Variants in TTC21B observed in about 807,000 individuals in gnomAD.
TTC21B encodes tetratricopeptide repeat protein 21B.
Under a neutral mutation model 175.1 loss-of-function variants are expected in TTC21B, and 127 were observed. The ratio of observed to expected loss-of-function variants is 0.73; its 90% CI spans 0.63 to 0.84. The LOEUF (loss-of-function observed/expected upper bound fraction) is 0.84. Ranked by LOEUF, TTC21B falls within the 40% of genes least tolerant of loss-of-function variation. The pLI is 0.00. For synonymous variants in TTC21B, 524 were observed against 524.5 expected, an observed-to-expected ratio of 1.00 and a Z score of 0.01; for missense variants, 1,561 against 1,558.3, an observed-to-expected ratio of 1.00 and a Z score of -0.03.
chr2:165,909,805 T>C (rs1685867872), intron 18 of TTC21B, among the ~76,000 whole-genome samples: 1 of 152,086 alleles, frequency 6.6e-6, no homozygotes, highest in Non-Finnish European at 1.5e-5. Flanking sequence ...TAAGATACAG[T>C]GGAATACTCT....
intron 25 of TTC21B, among the ~76,000 whole-genome samples, chr2:165,884,811 C>T (rs1300983030): frequency 1.3e-5 from 2 of 152,104 alleles, no homozygotes; most frequent in Non-Finnish European, 2.9e-5. Context: ...TGTGTATGTT[C>T]CTGATTAAGG....
Position 165,890,551 on chromosome 2 carries a change from A to G in TTC21B, c.3191T>C (p.Ile1064Thr), listed in dbSNP as rs1188831998. 1 of 1,613,712 alleles carries G rather than the reference A, an allele frequency of 6.2e-7. No homozygotes were observed. The highest frequency in any genetic ancestry group is 1.7e-5 in the Admixed American group (1 of 60,000). ...DWGQNALYNM[I>T]EICLNPDNET... ...ATTATCTGGATTCAAACAGATCTCT[A>G]TCATATTATAAAGGGCATTTTGGCC... is the stretch of plus-strand genomic sequence containing the variant. The change falls in exon 24 of 29, where the codon ATA becomes ACA. Residue 1064 changes from isoleucine to threonine, a missense_variant. Ile to Thr is a moderately conservative substitution (Grantham distance 89). Transcript: ENST00000243344.
chr2:165,950,540 G>C (rs978533981), intron 1 of TTC21B, among the ~76,000 whole-genome samples: 1 of 152,182 alleles, frequency 6.6e-6, no homozygotes, highest in East Asian at 1.9e-4. Flanking sequence ...GGACTCTACA[G>C]CTTGTTCAGT....
At chr2:165,902,029 A>C in intron 19 of TTC21B, 119 bp from the exon 20 acceptor site, 1 of 878,678 alleles carries the variant, frequency 1.1e-6, no homozygotes, top group African/African-American at 1.7e-5. Context: ...GATCTAACAA[A>C]GTCTGATCCA....
intron 19 of TTC21B, among the ~76,000 whole-genome samples, chr2:165,906,613 A>G (rs1559050945): frequency 1.3e-5 from 2 of 152,150 alleles, no homozygotes; most frequent in Non-Finnish European, 2.9e-5. Flanking sequence ...TCCTTCAAAG[A>G]GGTCTCAAGG....
intron 12 of TTC21B, among the ~76,000 whole-genome samples, chr2:165,923,360 C>G (rs1686492131): frequency 6.6e-6 from 1 of 151,948 alleles, no homozygotes; most frequent in South Asian, 2.1e-4. Flanking sequence ...TTGGTTTCTG[C>G]TCTTAACAGT....
chr2:165,913,214 C>A (rs920748499), intron 16 of TTC21B, among the ~76,000 whole-genome samples: 1 of 151,894 alleles, frequency 6.6e-6, no homozygotes, highest in East Asian at 1.9e-4. Context: ...TTTGTAGAGA[C>A]GGGGTTTCAC....
rs150678598 is a variant in TTC21B at position 165,910,562 on chromosome 2, T to C, written c.2461+765A>G. Among the ~76,000 whole-genome samples, 1,344 of 152,226 alleles carry C rather than the reference T, an allele frequency of 8.8e-3. 21 individuals are homozygous for C. Among genetic ancestry groups the C allele is most frequent in the African/African-American group, 0.031 (1,273 of 41,522 alleles). On this transcript the variant is annotated intron_variant, in intron 18 of 28. Transcript: ENST00000243344. Reference sequence around the variant, plus strand: ...CTAAGGAATGATACAGTGATATTCATTGGAACATGGATTATAATATCAAAA... The same window carrying C: ...CTAAGGAATGATACAGTGATATTCACTGGAACATGGATTATAATATCAAAA...
At chr2:165,892,644 G>C (rs1423012575) in intron 22 of TTC21B, among the ~76,000 whole-genome samples, 1 of 152,006 alleles carries the variant, frequency 6.6e-6, no homozygotes, top group Non-Finnish European at 1.5e-5. Flanking sequence ...GTGTGATACA[G>C]CTTACAGAGG....
intron 3 of TTC21B, chr2:165,947,179 T>TATATATATATATATATAATA (rs1687604367): frequency 9.0e-6 from 1 of 111,294 alleles, no homozygotes; most frequent in African/African-American, 3.4e-5. Context: ...CATATATATA[T>TATATATATATATATATAATA]ATATATATAT....
intron 15 of TTC21B, among the ~76,000 whole-genome samples, chr2:165,914,343 C>T (rs969292424): frequency 6.6e-6 from 1 of 152,060 alleles, no homozygotes; most frequent in Non-Finnish European, 1.5e-5. Flanking sequence ...AAAAATAAAT[C>T]AACCCTATTT....
intron 3 of TTC21B, among the ~76,000 whole-genome samples, chr2:165,946,611 G>A (rs1221307507): frequency 6.6e-6 from 1 of 152,164 alleles, no homozygotes; most frequent in Non-Finnish European, 1.5e-5. Context: ...GCCGAGGTGG[G>A]TGGATCACCT....
intron 18 of TTC21B, among the ~76,000 whole-genome samples, chr2:165,907,985 GAA>G (rs1312332612): frequency 2.0e-5 from 3 of 151,790 alleles, no homozygotes; most frequent in African/African-American, 4.8e-5. Context: ...CTGGCTGGAT[GAA>G]AAGTTAAAGA....
intron 24 of TTC21B, among the ~76,000 whole-genome samples, chr2:165,889,994 G>A (rs1374746909): frequency 6.6e-6 from 1 of 152,086 alleles, no homozygotes; most frequent in Non-Finnish European, 1.5e-5. Flanking sequence ...CAGCAGTCAG[G>A]ACTCAGTCTA....
chr2:165,922,913 G>T (rs6713602), intron 12 of TTC21B, among the ~76,000 whole-genome samples: 1 of 152,070 alleles, frequency 6.6e-6, no homozygotes, highest in South Asian at 2.1e-4. Context: ...CTGTAAAAAA[G>T]TAATGAAATA....
rs557311920 is a variant in TTC21B, at chr2:165,921,683, C to A, written c.1517-2250G>T. 2.0e-5 allele frequency among the ~76,000 whole-genome samples: 3 copies of A among 152,176 alleles called. No individual in the cohort carries two copies. The South Asian group carries it at 6.2e-4, about 32-fold the overall frequency. On this transcript the variant is annotated intron_variant, in intron 12 of 28. Coordinates refer to ENST00000243344, the MANE Select transcript of TTC21B (RefSeq NM_024753.5). The stretch of plus-strand genomic sequence containing the variant: ...CCTTAACCTTTGATGTTTGGCCCAA[C>A]TCCAACTAGTTGGTGTCAGAAGTCA...
chr2:165,929,740 G>A lies in TTC21B; in HGVS notation c.1095C>T (p.Ile365=), dbSNP rs775319673. Residue 365 remains isoleucine, a synonymous_variant, in exon 10 of 29, where the codon ATC becomes ATT. Transcript: ENST00000243344. ...ETSVSALVGF[I]QCQLIEGQLQ... is the part of the protein sequence containing the mutation. ...ATTGCCCTTCTATCAACTGACATTGGATAAATCCTAAAATCAAACAGCAGA... is the reference window on the plus strand; with the variant it reads ...ATTGCCCTTCTATCAACTGACATTGAATAAATCCTAAAATCAAACAGCAGA... 6.2e-7 allele frequency: 1 copy of A among 1,609,598 alleles called. No individual in the cohort carries two copies. The highest frequency in any genetic ancestry group is 2.2e-5 in the East Asian group (1 of 44,758).
chr2:165,929,069 C>T, intron 11 of TTC21B, 66 bp downstream of exon 11: 1 of 1,474,796 alleles, frequency 6.8e-7, no homozygotes, highest in Non-Finnish European at 9.5e-7. Flanking sequence ...TCAAAGAAAA[C>T]TTTTAAGTTC....
chr2:165,886,271 T>C (rs1311167473), intron 25 of TTC21B, among the ~76,000 whole-genome samples: 1 of 152,232 alleles, frequency 6.6e-6, no homozygotes, highest in African/African-American at 2.4e-5. Flanking sequence ...ACTCTCCTTA[T>C]ACTGTCTCCT....
Sources: allele counts gnomAD v4.1 joint callset (sites outside exome capture counted in the v4.1 genomes callset), GRCh38; gene constraint gnomAD v4.1.1; transcripts MANE v1.5; gene names NCBI Gene and HGNC (gene_info 2026-07-23, HGNC 2026-07-21).